SETD1A: variants seen among roughly 807,000 people sequenced by gnomAD.
SETD1A encodes the protein SET domain containing 1A, histone lysine methyltransferase, also known as histone-lysine N-methyltransferase SETD1A.
In SETD1A, 29 loss-of-function variants were observed where a neutral mutation model predicts 149.9. The ratio of observed to expected loss-of-function variants is 0.19; its 90% CI spans 0.14 to 0.26. SETD1A has a LOEUF of 0.26. Among genes scored for constraint, SETD1A ranks in the 10% least tolerant of loss-of-function variants. The pLI, the probability that SETD1A is intolerant of heterozygous loss-of-function variation, is 1.00. For synonymous variants in SETD1A, 1,141 were observed against 968.5 expected, an observed-to-expected ratio of 1.18 and a Z score of -3.31; for missense variants, 2,109 against 2,353.1, an observed-to-expected ratio of 0.90 and a Z score of 2.15.
In SETD1A at chr16:30,964,109, C is replaced by T. The variant is rs373130363; in HGVS notation, c.655C>T (p.Arg219Cys). ...GTCGCTCTAGGCCGAATCCCGCCGC[C>T]GCTCTTCCTCTGACACAGCTGCCTA... ...AATETAESRRRSSSDTAAYPA... is the reference protein window; with the variant it reads ...AATETAESRRCSSSDTAAYPA... The change falls in exon 6 of 19, where the codon CGC becomes TGC. Residue 219 changes from arginine to cysteine, a missense_variant. Physicochemically the swap from Arg to Cys is radical, Grantham distance 180 (BLOSUM62 -3). Transcript: ENST00000262519. 4.2e-5 allele frequency: 67 copies of T among 1,613,374 alleles called. No individual in the cohort carries two copies. In the South Asian group the frequency reaches 6.1e-4, roughly 15 times the overall value.
chr16:30,978,420 G>A (rs895454591), intron 13 of SETD1A, among the ~76,000 whole-genome samples: 21 of 152,096 alleles, frequency 1.4e-4, no homozygotes, highest in African/African-American at 4.6e-4. Context: ...CAGGGATGGC[G>A]GCCAAGGGAG....
chr16:30,976,251 G>A (rs2056283795), intron 13 of SETD1A, among the ~76,000 whole-genome samples: 1 of 152,182 alleles, frequency 6.6e-6, no homozygotes, highest in South Asian at 2.1e-4. Flanking sequence ...CAGGCATAGT[G>A]GCACATGCCT....
At chr16:30,978,811 C>G (rs1259638644) in intron 13 of SETD1A, among the ~76,000 whole-genome samples, 2 of 152,186 alleles carry the variant, frequency 1.3e-5, no homozygotes, top group Non-Finnish European at 2.9e-5. Flanking sequence ...AAGTGGAGTC[C>G]AGGGCGAGTG....
In SETD1A at chr16:30,965,591, G is replaced by T. The variant is rs372051537; in HGVS notation, c.1720-10G>T. Reference sequence around the variant, plus strand: ...CAGAAGCCTTCTGTGACCCTCTTCTGCCCCCGCAGGCTTCTCCATGCTCTT... The same window carrying T: ...CAGAAGCCTTCTGTGACCCTCTTCTTCCCCCGCAGGCTTCTCCATGCTCTT... On this transcript the variant is annotated splice_polypyrimidine_tract_variant and intron_variant, in intron 7 of 18. Transcript: ENST00000262519. The T allele has an allele frequency of 9.3e-6, 15 of 1,611,208 alleles. No homozygotes were observed. The highest frequency in any genetic ancestry group is 8.0e-5 in the African/African-American group (6 of 74,608).
rs1219186680 is a variant in SETD1A, at chr16:30,980,981, T to C, written c.4693-80T>C. On this transcript the variant is annotated intron_variant, in intron 16 of 18. Transcript: ENST00000262519. This position sits in a 1 kb window ranked among gnomAD's most constrained non-coding sequence, Gnocchi z 7.7. ...GGGGGTAAGCAGCCAGAACACCCTC[T>C]GCCCAGGAAGTCTGTGGGAAGAGTG... 8 of 1,592,430 alleles carry C rather than the reference T, an allele frequency of 5.0e-6. No individual in the cohort carries two copies. The African/African-American group carries it at 1.1e-4, about 21-fold the overall frequency.
chr16:30,977,236 G>T (rs934356928), intron 13 of SETD1A, among the ~76,000 whole-genome samples: 1 of 152,070 alleles, frequency 6.6e-6, no homozygotes, highest in Non-Finnish European at 1.5e-5. Flanking sequence ...GAGCCCCCTC[G>T]CCCGGCCAGC....
chr16:30,982,676 TCCTTCCGCAGGAGAGGGC>T (rs2056396283), intron 17 of SETD1A, among the ~76,000 whole-genome samples: 1 of 94,600 alleles, frequency 1.1e-5, no homozygotes, highest in Non-Finnish European at 2.6e-5. Context: ...CAGGAGAGGG[TCCTTCCGCAGGAGAGGGC>T]CCCATGGCTA....
chr16:30,979,376 G>A lies in SETD1A; in HGVS notation c.3590G>A (p.Arg1197His), dbSNP rs756249828. 32 of 1,612,238 alleles carry A rather than the reference G, an allele frequency of 2.0e-5. No individual in the cohort carries two copies. Among genetic ancestry groups the A allele is most frequent in the African/African-American group, 5.3e-5 (4 of 74,862 alleles). The change falls in exon 14 of 19, where the codon CGC becomes CAC. Residue 1197 changes from arginine (R) to histidine (H), a missense_variant. Arg to His is a conservative substitution (Grantham distance 29). This residue lies in a region of SETD1A where 832 missense variants were observed against 815.6 expected (regional missense o/e 1.02). Coordinates refer to ENST00000262519, the MANE Select transcript of SETD1A (RefSeq NM_014712.3). ...GCCAAGTTTCCCGGCCCAGCCTCCCGCAAGGCTCCCCGGGGCGTGGAGCGG... is the reference window on the plus strand; with the variant it reads ...GCCAAGTTTCCCGGCCCAGCCTCCCACAAGGCTCCCCGGGGCGTGGAGCGG... ...PQAKFPGPASRKAPRGVERTI... is the reference protein window; with the variant it reads ...PQAKFPGPASHKAPRGVERTI...
Position 30,965,262 on chromosome 16 carries a change from C to T in SETD1A, c.1520C>T (p.Ala507Val), listed in dbSNP as rs1308956245. 8 of 1,614,106 alleles carry T rather than the reference C, an allele frequency of 5.0e-6. 1 individual carries two copies. The highest frequency in any genetic ancestry group is 4.0e-5 in the African/African-American group (3 of 74,948). The change falls in exon 7 of 19, where the codon GCC becomes GTC. Residue 507 changes from alanine (A) to valine (V), a missense_variant. Around this residue, in one of 8 missense-constraint regions of SETD1A, gnomAD observed 23 missense variants for 48.7 expected, o/e 0.47. Transcript: ENST00000262519. ...KEQRSKFSFL[A>V]SDTEEEEENS... ...CAGCGCTCCAAGTTTTCCTTCTTGG[C>T]CTCTGACACAGAGGAGGAGGAAGAG... is the stretch of plus-strand genomic sequence containing the variant.
intron 13 of SETD1A, among the ~76,000 whole-genome samples, chr16:30,977,822 G>A (rs1257909541): frequency 6.6e-6 from 1 of 152,226 alleles, no homozygotes; most frequent in Non-Finnish European, 1.5e-5. Context: ...CCTGGTGCCG[G>A]CGGCCCTGTT....
In SETD1A at chr16:30,979,718, C is replaced by G. The variant is rs780482800; in HGVS notation, c.3932C>G (p.Pro1311Arg). 3 of 1,601,440 alleles carry G rather than the reference C, an allele frequency of 1.9e-6. No homozygotes were observed. In the South Asian group the frequency reaches 3.3e-5, roughly 18 times the overall value. The part of the protein sequence containing the change: ...NYALAVKPTP[P>R]APALRPPEPV... ...GCCCTGGCCGTCAAGCCCACGCCCC[C>G]TGCGCCAGCCCTGCGGCCCCCGGAG... Residue 1311 changes from proline to arginine, a missense_variant, in exon 14 of 19, where the codon CCT becomes CGT. Pro to Arg is a moderately radical substitution (Grantham distance 103, BLOSUM62 -2). This residue lies in a region of SETD1A where 832 missense variants were observed against 815.6 expected (regional missense o/e 1.02). Coordinates refer to ENST00000262519, the MANE Select transcript of SETD1A (RefSeq NM_014712.3).
At chr16:30,958,493 C>A in intron 1 of SETD1A, 1 of 533,192 alleles carries the variant, frequency 1.9e-6, no homozygotes, top group Non-Finnish European at 3.3e-6. Context: ...GGGCTCGAGA[C>A]GGGCCTGGGG....
At chr16:30,960,690 G>C (rs1000222502) in intron 3 of SETD1A, among the ~76,000 whole-genome samples, 1 of 145,944 alleles carries the variant, frequency 6.9e-6, no homozygotes, top group Admixed American at 6.8e-5. Flanking sequence ...TTCTCTCCAC[G>C]TATATTTATT....
Position 30,980,001 on chromosome 16 carries a change from C to CCCACCCCCGCCG in SETD1A, c.4221_4232dup (p.Pro1409_Pro1412dup). 6.7e-7 allele frequency: 1 copy of CCCACCCCCGCCG among 1,482,102 alleles called. No individual in the cohort carries two copies. The highest frequency in any genetic ancestry group is 8.9e-7 in the Non-Finnish European group (1 of 1,121,170). The allele number at this position is 1,482,102 out of a possible 1,614,324, so 91.8% of individuals were successfully genotyped here. A position where few individuals can be genotyped will look rare whatever the true frequency, so the allele number is the denominator to read the frequency against. Reference sequence around the variant, plus strand: ...ACGCCCGGCGCCGCCGCCCTCCGCCCCCACCCCCGCCGCCACCGCCCCGCG... The same window carrying CCCACCCCCGCCG: ...ACGCCCGGCGCCGCCGCCCTCCGCCCCCACCCCCGCCGCCACCCCCGCCGCCACCGCCCCGCG... On this transcript the variant is annotated inframe_insertion, in exon 14 of 19. Coordinates refer to ENST00000262519, the MANE Select transcript of SETD1A (RefSeq NM_014712.3). The surrounding 1 kb of genome is among the most constrained non-coding windows in gnomAD (Gnocchi z 7.7).
At chr16:30,960,093 T>G (rs1012350070) in intron 3 of SETD1A, among the ~76,000 whole-genome samples, 2 of 152,160 alleles carry the variant, frequency 1.3e-5, no homozygotes, top group Non-Finnish European at 2.9e-5. Context: ...TCTTTTTTAT[T>G]CTTCATCTTT....
intron 11 of SETD1A, 26 bp from the exon 12 acceptor site, chr16:30,969,576 A>ATAAC (rs1224928312): frequency 6.2e-7 from 1 of 1,608,900 alleles, no homozygotes; most frequent in African/African-American, 1.3e-5. Flanking sequence ...CCTTCCTGTT[A>ATAAC]GTCCTCATTT....
At chr16:30,959,840 C>T (rs1023850967) in intron 3 of SETD1A, among the ~76,000 whole-genome samples, 1 of 151,880 alleles carries the variant, frequency 6.6e-6, no homozygotes, top group Non-Finnish European at 1.5e-5. Flanking sequence ...TGATGACTTC[C>T]AAGTATCTGT....
At position 30,983,602 on chromosome 16, in the gene SETD1A, C is replaced by T. The variant is rs1460104917; in HGVS notation, c.4813-33C>T. On this transcript the variant is annotated intron_variant, in intron 17 of 18. Transcript: ENST00000262519. This position sits in a 1 kb window ranked among gnomAD's most constrained non-coding sequence, Gnocchi z 6.8. ...GTGCTCAGGGGCAGGAAGTGGGGGA[C>T]TCTTCCCTGACCATCGCATCTCACC... 1.2e-6 allele frequency: 2 copies of T among 1,600,806 alleles called. No individual in the cohort carries two copies. Among genetic ancestry groups the T allele is most frequent in the African/African-American group, 1.3e-5 (1 of 74,928 alleles).
At chr16:30,976,037 G>A (rs1194872643) in intron 13 of SETD1A, among the ~76,000 whole-genome samples, 1 of 124,534 alleles carries the variant, frequency 8.0e-6, no homozygotes, top group African/African-American at 3.0e-5. Flanking sequence ...GGGGTGTTGT[G>A]CCTGAGTCCT....
Sources: allele counts gnomAD v4.1 joint callset (sites outside exome capture counted in the v4.1 genomes callset), GRCh38; gene constraint gnomAD v4.1.1; regional missense constraint gnomAD v4.1.1; non-coding constraint Gnocchi (gnomAD v3.1); transcripts MANE v1.5; gene names NCBI Gene and HGNC (gene_info 2026-07-23, HGNC 2026-07-21).